The following GCNT1 variants were observed in gnomAD, a reference collection of about 807,000 sequenced individuals.
GCNT1 encodes the protein beta-1,3-galactosyl-O-glycosyl-glycoprotein beta-1,6-N-acetylglucosaminyltransferase.
Under a neutral mutation model 26.2 loss-of-function variants are expected in GCNT1, and 16 were observed. The ratio of observed to expected loss-of-function variants is 0.61; its 90% confidence interval spans 0.41 to 0.93. The LOEUF is 0.93. Ranked by LOEUF, GCNT1 falls within the 40% of genes least tolerant of loss-of-function variation. GCNT1 has a pLI of 0.00. For synonymous variants in GCNT1, 183 were observed against 190.8 expected (o/e 0.96, Z 0.34); for missense variants, 477 against 526.7 (o/e 0.91, Z 0.92).
Position 76,428,292 on chromosome 9 carries a change from T to TAAAAAAAAA in GCNT1, n.38+8408_38+8416dup, listed in dbSNP as rs1279001629. On this transcript the variant is annotated intron_variant and non_coding_transcript_variant, in intron 1 of 3. Coordinates refer to the GCNT1 transcript ENST00000488136. ...AAAAAAAAAAAAAAAAAAAAAAACT[T>TAAAAAAAAA]AAAAAAAAAAAGAGAGAGAGAAATG... is the stretch of plus-strand genomic sequence containing the variant. Among the ~76,000 whole-genome samples the TAAAAAAAAA allele has an allele frequency of 1.3e-3, 110 of 85,814 alleles. 1 individual carries two copies. The highest frequency in any genetic ancestry group is 2.2e-3 in the Non-Finnish European group (85 of 38,726). The allele number at this position is 85,814 out of a possible 152,430, so 56.3% of individuals were successfully genotyped here. A position where few individuals can be genotyped will look rare whatever the true frequency, so the allele number is the denominator to read the frequency against.
chr9:76,459,925 T>TA (rs1317087420), intron 1 of GCNT1, 135 bp from the exon 2 acceptor site: 2 of 152,224 alleles, frequency 1.3e-5, no homozygotes, highest in South Asian at 2.1e-4. Context: ...TGATTCGTCT[T>TA]AAAAGCATTT....
At chr9:76,438,689 C>T (rs897652544), upstream of GCNT1, among the ~76,000 whole-genome samples, 1 of 151,584 alleles carries the variant, frequency 6.6e-6, no homozygotes, top group African/African-American at 2.4e-5. Context: ...ATAAGAAAGT[C>T]AGGTAAATGT....
At chr9:76,486,311 T>G (rs58777775) in intron 2 of GCNT1, among the ~76,000 whole-genome samples, 12,467 of 152,274 alleles carry the variant, frequency 0.082, 569 homozygotes, top group Middle Eastern at 0.17. Flanking sequence ...TGCTGGTGAA[T>G]TTCATCTTTT....
At chr9:76,454,594 G>A (rs779705735), upstream of GCNT1, among the ~76,000 whole-genome samples, 2 of 145,388 alleles carry the variant, frequency 1.4e-5, no homozygotes, top group South Asian at 2.4e-4. Flanking sequence ...TAATCCCCAC[G>A]TGGTGAGGGA....
chr9:76,397,228 G>T, the GCNT1 span, among the ~76,000 whole-genome samples: 1 of 152,004 alleles, frequency 6.6e-6, no homozygotes, highest in African/African-American at 2.4e-5. Context: ...GTTGCTATGA[G>T]CCGAGATTGC....
At chr9:76,398,301 T>A in the GCNT1 span, among the ~76,000 whole-genome samples, 1 of 152,140 alleles carries the variant, frequency 6.6e-6, no homozygotes, top group Admixed American at 6.5e-5. Context: ...AAGATCTGAA[T>A]AAGCATATGA....
chr9:76,471,492 T>G (rs931770341), intron 2 of GCNT1, among the ~76,000 whole-genome samples: 24 of 152,176 alleles, frequency 1.6e-4, no homozygotes, highest in African/African-American at 5.6e-4. Flanking sequence ...AACCCGTGCA[T>G]GTATGTCTCA....
At chr9:76,420,650 A>G (rs751193864) in intron 1 of GCNT1, 1 of 151,726 alleles carries the variant, frequency 6.6e-6, no homozygotes, top group African/African-American at 2.4e-5. Flanking sequence ...AGAATCTACT[A>G]TGGCTGAGTG....
Position 76,505,162 on chromosome 9 carries a change from A to G in GCNT1, c.*1494A>G. On this transcript the variant is annotated 3_prime_UTR_variant, in exon 4 of 4. Coordinates refer to ENST00000376730, the MANE Select transcript of GCNT1 (RefSeq NM_001490.5). Reference sequence around the variant, plus strand: ...AATTAAAATCATGTGCTGTATTTTTAAAATCTAGCCAAATTAAATAGTACA... The same window carrying G: ...AATTAAAATCATGTGCTGTATTTTTGAAATCTAGCCAAATTAAATAGTACA... The G allele has an allele frequency of 5.0e-6, 2 of 401,214 alleles. No individual in the cohort carries two copies. The highest frequency in any genetic ancestry group is 7.3e-5 in the East Asian group (2 of 27,218). 24.9% of individuals were successfully genotyped at this position (401,214 alleles called of 1,614,324 possible).
At chr9:76,395,877 T>C in the GCNT1 span, among the ~76,000 whole-genome samples, 1 of 152,240 alleles carries the variant, frequency 6.6e-6, no homozygotes, top group Non-Finnish European at 1.5e-5. Context: ...TTGACTCCCG[T>C]CCTTAATAAG....
chr9:76,419,163 G>A (rs1823157586), upstream of GCNT1, among the ~76,000 whole-genome samples: 1 of 151,926 alleles, frequency 6.6e-6, no homozygotes, highest in Non-Finnish European at 1.5e-5. Context: ...TCTTTCTTTC[G>A]ATTCTCAGTG....
At chr9:76,445,355 A>G (rs1302739602) in intron 1 of GCNT1, among the ~76,000 whole-genome samples, 1 of 152,030 alleles carries the variant, frequency 6.6e-6, no homozygotes, top group Non-Finnish European at 1.5e-5. Flanking sequence ...AGCAATGTAA[A>G]GTTTAAACTC....
chr9:76,499,630 T>G (rs1270803022), intron 2 of GCNT1, among the ~76,000 whole-genome samples: 1 of 152,224 alleles, frequency 6.6e-6, no homozygotes, highest in Non-Finnish European at 1.5e-5. Flanking sequence ...TTGGCGCTCA[T>G]TGAACTTCTT....
At chr9:76,431,393 G>A (rs984291295) in intron 1 of GCNT1, among the ~76,000 whole-genome samples, 1 of 152,100 alleles carries the variant, frequency 6.6e-6, no homozygotes, top group Non-Finnish European at 1.5e-5. Context: ...AACTTGCTAG[G>A]ACAACTCACA....
At chr9:76,402,840 C>T in the GCNT1 span, among the ~76,000 whole-genome samples, 21 of 152,148 alleles carry the variant, frequency 1.4e-4, no homozygotes, top group African/African-American at 4.6e-4. Flanking sequence ...CCACCACGCC[C>T]GGCTGATTTT....
rs1825194920 is a variant in GCNT1, at chr9:76,504,854, G to C, written c.*1186G>C. The C allele has an allele frequency of 2.4e-6, 1 of 413,480 alleles. No homozygotes were observed. 25.6% of individuals were successfully genotyped at this position (413,480 alleles called of 1,614,324 possible). A position where few individuals can be genotyped will look rare whatever the true frequency, so the allele number is the denominator to read the frequency against. ...CCTTCCACGAGGAGGAAAGAAGTGT[G>C]CAGTCATTCCACATGGCCTGTTGGA... On this transcript the variant is annotated 3_prime_UTR_variant, in exon 4 of 4. Coordinates refer to ENST00000376730, the MANE Select transcript of GCNT1 (RefSeq NM_001490.5).
In GCNT1 at chr9:76,473,771, T is replaced by C. The variant is rs145337881; in HGVS notation, c.-290+13594T>C. On this transcript the variant is annotated intron_variant, in intron 2 of 3. Coordinates refer to ENST00000376730, the MANE Select transcript of GCNT1 (RefSeq NM_001490.5). ...GTTGGAGAGCTGAAATCATTGCCAC[T>C]GTACTCTTCTGTGTCTCAGATGTAA... Among the ~76,000 whole-genome samples, 833 of 152,328 alleles carry C rather than the reference T, an allele frequency of 5.5e-3. 2 individuals carry two copies. Among genetic ancestry groups the C allele is most frequent in the Middle Eastern group, 0.017 (5 of 294 alleles).
chr9:76,487,647 G>A (rs1020661780), intron 2 of GCNT1, among the ~76,000 whole-genome samples: 2 of 152,200 alleles, frequency 1.3e-5, no homozygotes, highest in African/African-American at 4.8e-5. Flanking sequence ...ATATGGCCTA[G>A]ATGTTCCTTG....
chr9:76,395,332 T>G, the GCNT1 span, among the ~76,000 whole-genome samples: 1 of 152,220 alleles, frequency 6.6e-6, no homozygotes, highest in East Asian at 1.9e-4. Flanking sequence ...TTTTTTTCTT[T>G]TTTGCTCTAT....
Sources: allele counts gnomAD v4.1 joint callset (sites outside exome capture counted in the v4.1 genomes callset), GRCh38; gene constraint gnomAD v4.1.1; transcripts MANE v1.5; gene names NCBI Gene and HGNC (gene_info 2026-07-23, HGNC 2026-07-21).